The following LRBA variants were observed in gnomAD, a reference collection of about 807,000 sequenced individuals.
LRBA encodes the protein lipopolysaccharide-responsive and beige-like anchor protein.
A neutral mutation model predicts 330.0 loss-of-function variants in LRBA; 176 were observed. The ratio of observed to expected loss-of-function variants is 0.53; its 90% CI spans 0.47 to 0.60. The LOEUF is 0.60. Ranked by LOEUF, LRBA falls within the 20% of genes least tolerant of loss-of-function variation. The pLI is 0.00. For missense variants in LRBA, 3,259 were observed against 3,444.8 expected (o/e 0.95, Z 1.35); for synonymous variants, 1,230 against 1,193.0 (o/e 1.03, Z -0.64).
intron 37 of LRBA, among the ~76,000 whole-genome samples, chr4:150,666,896 C>T (rs946517248): frequency 1.6e-4 from 25 of 152,060 alleles, no homozygotes; most frequent in Admixed American, 3.9e-4. Flanking sequence ...TAATACATTT[C>T]CTATTTCACA....
intron 37 of LRBA, among the ~76,000 whole-genome samples, chr4:150,623,806 T>C (rs1353664992): frequency 6.6e-6 from 1 of 152,108 alleles, no homozygotes; most frequent in East Asian, 1.9e-4. Flanking sequence ...TTTATACAAT[T>C]TATCTAACAA....
intron 36 of LRBA, among the ~76,000 whole-genome samples, chr4:150,703,003 A>C (rs1785260766): frequency 6.6e-6 from 1 of 152,182 alleles, no homozygotes; most frequent in African/African-American, 2.4e-5. Context: ...TCTACTAAAA[A>C]TACAAAAATT....
intron 2 of LRBA, among the ~76,000 whole-genome samples, chr4:150,930,000 AT>A (rs915059729): frequency 6.6e-6 from 1 of 152,142 alleles, no homozygotes; most frequent in Non-Finnish European, 1.5e-5. Flanking sequence ...GTATGCAATA[AT>A]TAGAAGAAAG....
chr4:150,396,373 G>C (rs1744731073), intron 47 of LRBA, among the ~76,000 whole-genome samples: 2 of 151,776 alleles, frequency 1.3e-5, no homozygotes, highest in Admixed American at 6.6e-5. Flanking sequence ...TTCACACTTG[G>C]GCTGAATTGT....
intron 36 of LRBA, among the ~76,000 whole-genome samples, chr4:150,703,126 A>G (rs953813064): frequency 1.3e-5 from 2 of 152,010 alleles, no homozygotes; most frequent in Admixed American, 6.6e-5. Context: ...GCACCACTAC[A>G]CTCCAACCTA....
chr4:150,318,669 T>TCTAGAAAGA (rs1389581404), intron 50 of LRBA, among the ~76,000 whole-genome samples: 1 of 152,186 alleles, frequency 6.6e-6, no homozygotes, highest in Non-Finnish European at 1.5e-5. Context: ...GAGATCACAT[T>TCTAGAAAGA]CTAGAAAGAT....
At chr4:150,840,872 T>TA in intron 28 of LRBA, 1 of 972,418 alleles carries the variant, frequency 1.0e-6, no homozygotes, top group Non-Finnish European at 1.3e-6. Flanking sequence ...AAACTAATGG[T>TA]AAAAATGAGA....
At chr4:150,317,811 A>C (rs1002046240) in intron 50 of LRBA, among the ~76,000 whole-genome samples, 2 of 152,152 alleles carry the variant, frequency 1.3e-5, no homozygotes, top group South Asian at 4.1e-4. Flanking sequence ...CAAGTTATGT[A>C]ATCTCTATGT....
At chr4:150,517,227 T>C (rs1230399973) in intron 40 of LRBA, among the ~76,000 whole-genome samples, 11 of 152,238 alleles carry the variant, frequency 7.2e-5, no homozygotes, top group African/African-American at 2.4e-4. Flanking sequence ...GTTGCAAATA[T>C]ATGTTAAGGT....
chr4:151,014,315 TACACGAAAAAAGTC>T, intron 2 of LRBA, 98 bp downstream of exon 2: 1 of 759,436 alleles, frequency 1.3e-6, no homozygotes, highest in Non-Finnish European at 2.2e-6. Context: ...TGTGTCCCTA[TACACGAAAAAAGTC>T]ACCATCAGTG....
In LRBA at chr4:150,264,549, T is replaced by A. The variant is rs1388310895; in HGVS notation, c.*1173A>T. ...AGATGCCATTTTATTCAGCTTTTTC[T>A]GTCAAACTGAATTGTTCATTCCAAA... On this transcript the variant is annotated 3_prime_UTR_variant, in exon 57 of 57. Transcript: ENST00000651943. 1.3e-5 allele frequency: 2 copies of A among 152,294 alleles called. No homozygotes were observed. Among genetic ancestry groups the A allele is most frequent in the Admixed American group, 6.5e-5 (1 of 15,292 alleles). The allele number at this position is 152,294 out of a possible 1,614,324, so 9.4% of individuals were successfully genotyped here.
At chr4:150,266,356 A>G (rs923994481) in intron 56 of LRBA, among the ~76,000 whole-genome samples, 4 of 152,222 alleles carry the variant, frequency 2.6e-5, no homozygotes, top group Non-Finnish European at 4.4e-5. Context: ...TATGTCCATC[A>G]TGCTCTGGGT....
intron 40 of LRBA, among the ~76,000 whole-genome samples, chr4:150,494,293 CTGCACT>C (rs1478255184): frequency 6.6e-6 from 1 of 152,092 alleles, no homozygotes; most frequent in African/African-American, 2.4e-5. Flanking sequence ...TAAAATTTTC[CTGCACT>C]TGGGTTAAAG....
chr4:150,559,903 A>AT, intron 40 of LRBA, among the ~76,000 whole-genome samples: 1 of 53,330 alleles, frequency 1.9e-5, no homozygotes, highest in Non-Finnish European at 3.4e-5. Context: ...AATTATATAT[A>AT]ATTATATATA....
chr4:150,384,601 C>T (rs1346765655), intron 47 of LRBA, among the ~76,000 whole-genome samples: 2 of 152,034 alleles, frequency 1.3e-5, no homozygotes, highest in East Asian at 3.9e-4. Context: ...ATAAAAATAC[C>T]TTCAGGGAAT....
At chr4:150,797,977 T>C in intron 34 of LRBA, 104 bp downstream of exon 34, 2 of 730,134 alleles carry the variant, frequency 2.7e-6, no homozygotes, top group Non-Finnish European at 4.7e-6. Context: ...AAACTCACAA[T>C]TTTATTATAC....
chr4:150,834,766 G>A (rs1281985744), intron 28 of LRBA, among the ~76,000 whole-genome samples: 2 of 152,180 alleles, frequency 1.3e-5, no homozygotes, highest in Non-Finnish European at 2.9e-5. Flanking sequence ...ACTGAAGCCA[G>A]GCATTGACTT....
rs747177449 is a variant in LRBA, at chr4:151,009,035, AT to A, written c.216+5391del. Reference sequence around the variant, plus strand: ...TATATATATATATATATAAAATGGTATTTTTTTTTCTTATACAGACAAGGTC... The same window carrying A: ...TATATATATATATATATAAAATGGTATTTTTTTTCTTATACAGACAAGGTC... On this transcript the variant is annotated intron_variant, in intron 2 of 56. Coordinates refer to ENST00000651943, the MANE Select transcript of LRBA (RefSeq NM_001364905.1). Among the ~76,000 whole-genome samples the A allele has an allele frequency of 2.4e-5, 2 of 82,474 alleles. 1 individual carries two copies. Among genetic ancestry groups the A allele is most frequent in the Non-Finnish European group, 4.5e-5 (2 of 44,266 alleles). 54.1% of individuals were successfully genotyped at this position (82,474 alleles called of 152,430 possible).
At position 150,928,940 on chromosome 4, in the gene LRBA, A is replaced by C; in HGVS notation, c.342T>G (p.Phe114Leu). The C allele has an allele frequency of 6.2e-7, 1 of 1,614,064 alleles. No homozygotes were observed. The highest frequency in any genetic ancestry group is 8.5e-7 in the Non-Finnish European group (1 of 1,179,970). Reference protein sequence around the residue: ...ITCQAEVWSMFTAILKKSIRN... With the variant: ...ITCQAEVWSMLTAILKKSIRN... ...GTATGCTTTTCTTCAGAATGGCTGT[A>C]AACATGCTCCAGACTTCTGCTTGGC... The change falls in exon 3 of 57, where the codon TTT becomes TTG. Residue 114 changes from phenylalanine (F) to leucine (L), a missense_variant. Physicochemically the swap from Phe to Leu is conservative, Grantham distance 22. Transcript: ENST00000651943.
Sources: gnomAD v4.1 joint callset for allele counts (sites outside exome capture counted in the v4.1 genomes callset) on GRCh38, gnomAD v4.1.1 for gene constraint, MANE v1.5 for transcripts, NCBI Gene and HGNC (gene_info 2026-07-23, HGNC 2026-07-21) for gene names.